The following KCNB2 variants were observed in gnomAD, a reference collection of about 807,000 sequenced individuals.
KCNB2 encodes potassium voltage-gated channel subfamily B member 2.
Under a neutral mutation model 61.5 loss-of-function variants are expected in KCNB2, and 15 were observed. The observed-to-expected ratio is 0.24, with a 90% CI of 0.16 to 0.38. The LOEUF (loss-of-function observed/expected upper bound fraction) is 0.38, where lower values mean the gene tolerates loss of function less well. Among genes scored for constraint, KCNB2 ranks in the 10% least tolerant of loss-of-function variants. KCNB2 has a pLI of 1.00. For missense variants in KCNB2, 828 were observed against 1,125.2 expected, an observed-to-expected ratio of 0.74 and a Z score of 3.78; for synonymous variants, 457 against 446.0, an observed-to-expected ratio of 1.02 and a Z score of -0.31.
intron 2 of KCNB2, among the ~76,000 whole-genome samples, chr8:72,717,051 C>T (rs1457790580): frequency 6.6e-6 from 1 of 151,962 alleles, no homozygotes; most frequent in Non-Finnish European, 1.5e-5. Context: ...CATGAGGGAA[C>T]TCCCATTCAC....
At chr8:72,724,808 TG>T (rs1452541374) in intron 2 of KCNB2, among the ~76,000 whole-genome samples, 1 of 152,192 alleles carries the variant, frequency 6.6e-6, no homozygotes, top group Non-Finnish European at 1.5e-5. Flanking sequence ...ATAATGTAAA[TG>T]GACGGATCTA....
chr8:72,739,338 T>C (rs1044574703), intron 2 of KCNB2, among the ~76,000 whole-genome samples: 1 of 151,566 alleles, frequency 6.6e-6, no homozygotes, highest in African/African-American at 2.4e-5. Context: ...ATCAATGAGG[T>C]ATGGATCCTT....
chr8:72,725,129 A>T (rs887527435), intron 2 of KCNB2, among the ~76,000 whole-genome samples: 2 of 152,090 alleles, frequency 1.3e-5, no homozygotes, highest in Non-Finnish European at 2.9e-5. Context: ...CAAAAGAATA[A>T]TTTTTCTCCC....
At chr8:72,707,345 G>A (rs1807242974) in intron 2 of KCNB2, among the ~76,000 whole-genome samples, 1 of 152,148 alleles carries the variant, frequency 6.6e-6, no homozygotes. Flanking sequence ...AAAATAGTTG[G>A]TGGATGCCTT....
chr8:72,927,142 G>A (rs766108003), intron 2 of KCNB2, among the ~76,000 whole-genome samples: 11 of 152,120 alleles, frequency 7.2e-5, no homozygotes, highest in Admixed American at 2.0e-4. Flanking sequence ...TTGTTCTGGG[G>A]ACAACACCTT....
At chr8:72,691,904 A>G (rs1365264555) in intron 2 of KCNB2, among the ~76,000 whole-genome samples, 2 of 152,186 alleles carry the variant, frequency 1.3e-5, no homozygotes, top group Non-Finnish European at 2.9e-5. Context: ...AAGCATTGAT[A>G]TATCACAGTA....
At chr8:72,847,779 C>A (rs1402551187) in intron 2 of KCNB2, among the ~76,000 whole-genome samples, 1 of 152,108 alleles carries the variant, frequency 6.6e-6, no homozygotes, top group East Asian at 1.9e-4. Context: ...ATATATTCAC[C>A]ATAATATCCC....
At chr8:72,872,052 T>G (rs1304152846) in intron 2 of KCNB2, among the ~76,000 whole-genome samples, 1 of 152,150 alleles carries the variant, frequency 6.6e-6, no homozygotes, top group Non-Finnish European at 1.5e-5. Flanking sequence ...CCTTAGAGAG[T>G]GGCCCTTCCA....
intron 2 of KCNB2, among the ~76,000 whole-genome samples, chr8:72,928,352 C>A (rs1324469475): frequency 6.6e-6 from 1 of 152,020 alleles, no homozygotes; most frequent in African/African-American, 2.4e-5. Flanking sequence ...GTAACCACAC[C>A]TGACTAATTT....
chr8:72,690,210 TG>T (rs1302717021), intron 2 of KCNB2, among the ~76,000 whole-genome samples: 17 of 152,192 alleles, frequency 1.1e-4, no homozygotes, highest in African/African-American at 4.1e-4. Context: ...AATCGTACAC[TG>T]TTTAGAAATG....
intron 2 of KCNB2, among the ~76,000 whole-genome samples, chr8:72,634,680 A>G (rs1163639773): frequency 6.6e-6 from 1 of 152,218 alleles, no homozygotes; most frequent in Non-Finnish European, 1.5e-5. Flanking sequence ...AAGAACAACC[A>G]TGAAGAATGC....
chr8:72,855,239 A>T (rs1810187623), intron 2 of KCNB2, among the ~76,000 whole-genome samples: 2 of 152,192 alleles, frequency 1.3e-5, no homozygotes, highest in South Asian at 4.1e-4. Flanking sequence ...ACCCTCCAGA[A>T]GTTTATCCTT....
intron 1 of KCNB2, among the ~76,000 whole-genome samples, chr8:72,559,345 G>A (rs561113830): frequency 7.2e-5 from 11 of 151,758 alleles, no homozygotes; most frequent in African/African-American, 1.2e-4. Context: ...GGGTTTCACC[G>A]TGTTTCCCAG....
At chr8:72,599,179 T>A (rs533260940) in intron 2 of KCNB2, among the ~76,000 whole-genome samples, 1 of 152,130 alleles carries the variant, frequency 6.6e-6, no homozygotes, top group Non-Finnish European at 1.5e-5. Flanking sequence ...GGAGGCATCA[T>A]GCTACCTGAC....
At chr8:72,673,249 T>C (rs1806594313) in intron 2 of KCNB2, among the ~76,000 whole-genome samples, 1 of 152,196 alleles carries the variant, frequency 6.6e-6, no homozygotes, top group East Asian at 1.9e-4. Context: ...TAAATTGTAG[T>C]TCCTATAATC....
At chr8:72,822,275 T>C (rs1277326750) in intron 2 of KCNB2, among the ~76,000 whole-genome samples, 1 of 152,248 alleles carries the variant, frequency 6.6e-6, no homozygotes, top group Non-Finnish European at 1.5e-5. Flanking sequence ...TTGCTTTATG[T>C]TTCCTCCCTT....
At chr8:72,760,281 A>C (rs1808356375) in intron 2 of KCNB2, among the ~76,000 whole-genome samples, 1 of 152,142 alleles carries the variant, frequency 6.6e-6, no homozygotes, top group East Asian at 1.9e-4. Flanking sequence ...GACAATAATA[A>C]CTACCTATCA....
At chr8:72,896,339 T>C (rs1805988380) in intron 2 of KCNB2, among the ~76,000 whole-genome samples, 1 of 152,170 alleles carries the variant, frequency 6.6e-6, no homozygotes, top group Non-Finnish European at 1.5e-5. Context: ...TTCTCCTTCC[T>C]TTGGGCAAAT....
chr8:72,739,925 A>G (rs2128994423), intron 2 of KCNB2, among the ~76,000 whole-genome samples: 1 of 152,284 alleles, frequency 6.6e-6, no homozygotes, highest in South Asian at 2.1e-4. Flanking sequence ...ACTGTACACA[A>G]AACAGACATT....
Sources: gnomAD v4.1 joint callset for allele counts (sites outside exome capture counted in the v4.1 genomes callset) on GRCh38, gnomAD v4.1.1 for gene constraint, MANE v1.5 for transcripts, NCBI Gene and HGNC (gene_info 2026-07-23, HGNC 2026-07-21) for gene names.